NRXN1: variants seen among roughly 807,000 people sequenced by gnomAD.
NRXN1 encodes neurexin 1.
Under a neutral mutation model 150.9 loss-of-function variants are expected in NRXN1, and 39 were observed. The observed-to-expected ratio is 0.26, with a 90% CI of 0.20 to 0.34. The LOEUF (loss-of-function observed/expected upper bound fraction) is 0.34, where lower values mean the gene tolerates loss of function less well. Ranked by LOEUF, NRXN1 falls within the 10% of genes least tolerant of loss-of-function variation. The pLI, the probability that NRXN1 is intolerant of heterozygous loss-of-function variation, is 1.00. For missense variants in NRXN1, 1,815 were observed against 1,949.9 expected (o/e 0.93, Z 1.30); for synonymous variants, 924 against 757.0 (o/e 1.22, Z -3.62).
At chr2:50,297,666 T>C (rs1316226519) in intron 17 of NRXN1, among the ~76,000 whole-genome samples, 1 of 152,202 alleles carries the variant, frequency 6.6e-6, no homozygotes, top group South Asian at 2.1e-4. Context: ...CACCGGGTGG[T>C]AATTTAATCA....
intron 2 of NRXN1, among the ~76,000 whole-genome samples, chr2:50,940,408 G>C (rs1026957946): frequency 2.6e-5 from 4 of 151,196 alleles, no homozygotes; most frequent in Non-Finnish European, 5.9e-5. Flanking sequence ...CCGGGAGGTG[G>C]AGGTTGCAGT....
At chr2:50,167,234 A>G (rs2059743718) in intron 18 of NRXN1, among the ~76,000 whole-genome samples, 1 of 152,112 alleles carries the variant, frequency 6.6e-6, no homozygotes. Context: ...TATGCATTAT[A>G]ATATGTCATC....
intron 8 of NRXN1, among the ~76,000 whole-genome samples, chr2:50,566,074 C>G (rs552427081): frequency 6.6e-6 from 1 of 152,264 alleles, no homozygotes; most frequent in African/African-American, 2.4e-5. Flanking sequence ...GGTTGGCCAC[C>G]TCTTGGTGGC....
At chr2:50,539,234 G>A (rs1040750827) in intron 9 of NRXN1, among the ~76,000 whole-genome samples, 1 of 152,070 alleles carries the variant, frequency 6.6e-6, no homozygotes, top group Non-Finnish European at 1.5e-5. Flanking sequence ...TGCTCTTAGT[G>A]TTAAACAAAA....
intron 17 of NRXN1, among the ~76,000 whole-genome samples, chr2:50,405,640 T>G (rs1409687515): frequency 6.6e-6 from 1 of 152,150 alleles, no homozygotes; most frequent in Non-Finnish European, 1.5e-5. Context: ...TTCACTATGT[T>G]TCTGACTTTT....
intron 18 of NRXN1, among the ~76,000 whole-genome samples, chr2:50,196,646 T>C (rs965400897): frequency 2.0e-5 from 3 of 152,162 alleles, no homozygotes; most frequent in East Asian, 3.9e-4. Flanking sequence ...ATAACATATA[T>C]CTATATTCCT....
intron 9 of NRXN1, among the ~76,000 whole-genome samples, chr2:50,548,487 G>C (rs537169727): frequency 6.6e-6 from 1 of 152,148 alleles, no homozygotes; most frequent in East Asian, 1.9e-4. Flanking sequence ...ACAATTAAAA[G>C]AGTGCCATTA....
At chr2:50,373,294 T>TTTATTATTA (rs6146761) in intron 17 of NRXN1, among the ~76,000 whole-genome samples, 386 of 140,386 alleles carry the variant, frequency 2.7e-3, no homozygotes, top group African/African-American at 5.7e-3. Flanking sequence ...TATTTTATTT[T>TTTATTATTA]TTATTATTAT....
chr2:50,400,854 T>C (rs1248270769), intron 17 of NRXN1, among the ~76,000 whole-genome samples: 1 of 152,140 alleles, frequency 6.6e-6, no homozygotes, highest in East Asian at 1.9e-4. Context: ...TTAAGAAATA[T>C]ACAGTTGATT....
intron 21 of NRXN1, among the ~76,000 whole-genome samples, chr2:49,993,713 TTG>T (rs1437944956): frequency 6.6e-6 from 1 of 152,090 alleles, no homozygotes; most frequent in Non-Finnish European, 1.5e-5. Context: ...GCCCTAAAAA[TTG>T]TCTTTTGAGA....
At chr2:50,963,219 C>T (rs1454242345) in intron 2 of NRXN1, among the ~76,000 whole-genome samples, 2 of 151,546 alleles carry the variant, frequency 1.3e-5, no homozygotes, top group Non-Finnish European at 3.0e-5. Flanking sequence ...ATGCTGCTGC[C>T]TATTAAGATT....
intron 17 of NRXN1, among the ~76,000 whole-genome samples, chr2:50,461,759 T>C (rs962508253): frequency 6.6e-6 from 1 of 151,946 alleles, no homozygotes; most frequent in Non-Finnish European, 1.5e-5. Flanking sequence ...GGAAAAATAA[T>C]GTCAAGCTCA....
intron 17 of NRXN1, among the ~76,000 whole-genome samples, chr2:50,400,430 T>C (rs1483945508): frequency 3.3e-5 from 5 of 152,112 alleles, no homozygotes; most frequent in African/African-American, 1.2e-4. Flanking sequence ...CCGTTGCTCA[T>C]ATAAACATAA....
intron 18 of NRXN1, among the ~76,000 whole-genome samples, chr2:50,101,723 G>C (rs1701003765): frequency 6.6e-6 from 1 of 151,982 alleles, no homozygotes; most frequent in Admixed American, 6.6e-5. Flanking sequence ...GCTACATACA[G>C]TAAACTGGGA....
At position 50,582,573 on chromosome 2, in the gene NRXN1, G is replaced by C. The variant is rs1429992650; in HGVS notation, c.1321-29548C>G. Among the ~76,000 whole-genome samples, 7 of 144,484 alleles carry C rather than the reference G, an allele frequency of 4.8e-5. No homozygotes were observed. In the East Asian group the frequency reaches 1.2e-3, roughly 25 times the overall value. The allele number at this position is 144,484 out of a possible 152,430, so 94.8% of individuals were successfully genotyped here. ...AAAATAGCAAAGAGGAAACAACTACGAACAGAGACAGGGGAAGCCACTAGC... is the reference window on the plus strand; with the variant it reads ...AAAATAGCAAAGAGGAAACAACTACCAACAGAGACAGGGGAAGCCACTAGC... On this transcript the variant is annotated intron_variant, in intron 8 of 22. Transcript: ENST00000401669.
chr2:50,434,519 T>G (rs1378912646), intron 17 of NRXN1, among the ~76,000 whole-genome samples: 1 of 152,192 alleles, frequency 6.6e-6, no homozygotes, highest in Non-Finnish European at 1.5e-5. Context: ...GACAATGAGC[T>G]ACTGTGAGTA....
intron 5 of NRXN1, among the ~76,000 whole-genome samples, chr2:50,802,578 CAGAGAGAAAGAG>C (rs2105704486): frequency 9.0e-6 from 1 of 110,820 alleles, no homozygotes; most frequent in South Asian, 3.0e-4. Flanking sequence ...AGGAGAGAGA[CAGAGAGAAAGAG>C]AGAGAGAAAA....
intron 2 of NRXN1, among the ~76,000 whole-genome samples, chr2:50,963,724 T>C (rs1045859440): frequency 6.6e-6 from 1 of 151,596 alleles, no homozygotes; most frequent in Non-Finnish European, 1.5e-5. Context: ...GACTAACTGA[T>C]AGTGGTGTTA....
chr2:50,163,427 G>C (rs2059487048), intron 18 of NRXN1, among the ~76,000 whole-genome samples: 1 of 152,014 alleles, frequency 6.6e-6, no homozygotes, highest in African/African-American at 2.4e-5. Context: ...TAAGAGTAGA[G>C]GGAAAACAGA....
Sources: gnomAD v4.1 joint callset for allele counts (sites outside exome capture counted in the v4.1 genomes callset) on GRCh38, gnomAD v4.1.1 for gene constraint, MANE v1.5 for transcripts, NCBI Gene and HGNC (gene_info 2026-07-23, HGNC 2026-07-21) for gene names.